The following SYT1 variants were observed in gnomAD, a reference collection of about 807,000 sequenced individuals.
SYT1 encodes synaptotagmin 1.
SYT1 carries 8 observed loss-of-function variants against 44.8 expected under a neutral mutation model. That is an observed-to-expected ratio of 0.18 (90% CI 0.10 to 0.32). The LOEUF is 0.32. Among genes scored for constraint, SYT1 ranks in the 10% least tolerant of loss-of-function variants. The pLI is 1.00. For missense variants in SYT1, 286 were observed against 509.3 expected (o/e 0.56, Z 4.22); for synonymous variants, 154 against 188.8 (o/e 0.82, Z 1.51).
At chr12:79,105,343 A>G (rs1199095129) in intron 3 of SYT1, among the ~76,000 whole-genome samples, 1 of 152,194 alleles carries the variant, frequency 6.6e-6, no homozygotes, top group Non-Finnish European at 1.5e-5. Flanking sequence ...TAACCATTCT[A>G]GAGTATTTTG....
intron 1 of SYT1, among the ~76,000 whole-genome samples, chr12:78,954,612 T>G (rs1879121128): frequency 6.6e-6 from 1 of 152,074 alleles, no homozygotes; most frequent in Non-Finnish European, 1.5e-5. Context: ...ATCAGTTTGT[T>G]GTGCATATGA....
chr12:79,340,874 CT>C (rs1284477750), intron 8 of SYT1, among the ~76,000 whole-genome samples: 3 of 152,164 alleles, frequency 2.0e-5, no homozygotes, highest in African/African-American at 7.2e-5. Context: ...TTGGAATTCA[CT>C]TTTCCCTACT....
At chr12:78,937,595 C>T (rs1007717866) in intron 1 of SYT1, among the ~76,000 whole-genome samples, 2 of 151,596 alleles carry the variant, frequency 1.3e-5, no homozygotes, top group Non-Finnish European at 3.0e-5. Context: ...TAAGCAACTA[C>T]TTAAATAGAA....
intron 1 of SYT1, among the ~76,000 whole-genome samples, chr12:78,947,108 G>A (rs1878699797): frequency 6.6e-6 from 1 of 152,074 alleles, no homozygotes; most frequent in Non-Finnish European, 1.5e-5. Flanking sequence ...CATCACTTAA[G>A]GTTGTTTGGA....
chr12:78,981,698 A>G (rs999520978), intron 2 of SYT1, among the ~76,000 whole-genome samples: 8 of 152,184 alleles, frequency 5.3e-5, no homozygotes, highest in Non-Finnish European at 1.0e-4. Flanking sequence ...CAAGTGAACC[A>G]AATTTACCAA....
At chr12:79,411,367 GCTGGGAAATGTAGT>G (rs968330284) in intron 9 of SYT1, among the ~76,000 whole-genome samples, 5 of 152,158 alleles carry the variant, frequency 3.3e-5, no homozygotes, top group Admixed American at 1.3e-4. Context: ...TGCAAGGGAA[GCTGGGAAATGTAGT>G]CTTTTATTGT....
intron 4 of SYT1, among the ~76,000 whole-genome samples, chr12:79,236,114 G>GT (rs939478287): frequency 2.0e-5 from 3 of 152,020 alleles, no homozygotes; most frequent in Non-Finnish European, 2.9e-5. Context: ...CATCTATATT[G>GT]TAAGAGTCTC....
chr12:79,314,324 G>T (rs1880976486), intron 8 of SYT1, among the ~76,000 whole-genome samples: 1 of 152,064 alleles, frequency 6.6e-6, no homozygotes, highest in African/African-American at 2.4e-5. Flanking sequence ...GTGTTCAGAA[G>T]GCATTGTCAT....
chr12:79,191,746 G>C (rs916150159), intron 3 of SYT1, among the ~76,000 whole-genome samples: 1 of 151,946 alleles, frequency 6.6e-6, no homozygotes, highest in Non-Finnish European at 1.5e-5. Flanking sequence ...ATGCTTCAGG[G>C]ACTTCACACA....
chr12:79,399,995 A>G lies in SYT1; in HGVS notation c.929-44078A>G, dbSNP rs781693959. Reference sequence around the variant, plus strand: ...CCATATTCATATACAGCTCTGCTGGACAAACCAAATTGACTTGAGTTAATG... The same window carrying G: ...CCATATTCATATACAGCTCTGCTGGGCAAACCAAATTGACTTGAGTTAATG... On this transcript the variant is annotated intron_variant, in intron 9 of 10. Coordinates refer to ENST00000261205, the MANE Select transcript of SYT1 (RefSeq NM_005639.3). Among the ~76,000 whole-genome samples, 3 of 152,240 alleles carry G rather than the reference A, an allele frequency of 2.0e-5. No individual in the cohort carries two copies. The South Asian group carries it at 6.2e-4, about 31-fold the overall frequency.
intron 3 of SYT1, among the ~76,000 whole-genome samples, chr12:79,133,662 A>C (rs1310863686): frequency 6.6e-6 from 1 of 152,234 alleles, no homozygotes; most frequent in Non-Finnish European, 1.5e-5. Context: ...ATATGTATAA[A>C]AGACAATATG....
chr12:79,002,367 A>C (rs1168808708), intron 2 of SYT1, among the ~76,000 whole-genome samples: 1 of 152,100 alleles, frequency 6.6e-6, no homozygotes, highest in Non-Finnish European at 1.5e-5. Context: ...ACTTGCTCTT[A>C]GCTGAAATTT....
At chr12:79,240,486 A>G (rs1876439518) in intron 4 of SYT1, among the ~76,000 whole-genome samples, 1 of 152,200 alleles carries the variant, frequency 6.6e-6, no homozygotes, top group Non-Finnish European at 1.5e-5. Context: ...TAAAAAGAAA[A>G]TGAAAGCTAT....
intron 8 of SYT1, among the ~76,000 whole-genome samples, chr12:79,348,038 T>G (rs141465017): frequency 6.6e-6 from 1 of 152,162 alleles, no homozygotes; most frequent in African/African-American, 2.4e-5. Flanking sequence ...TTTGGCATGT[T>G]TTGGAAAGAG....
At chr12:79,272,120 G>A (rs1196716008) in intron 4 of SYT1, among the ~76,000 whole-genome samples, 1 of 152,160 alleles carries the variant, frequency 6.6e-6, no homozygotes, top group African/African-American at 2.4e-5. Context: ...AGAGGAAGAA[G>A]AATAGCATTT....
chr12:79,275,569 G>A (rs1878670463), intron 4 of SYT1, among the ~76,000 whole-genome samples: 1 of 152,110 alleles, frequency 6.6e-6, no homozygotes, highest in Non-Finnish European at 1.5e-5. Flanking sequence ...TGATAGGAAG[G>A]TAGGTCACTT....
chr12:79,026,889 A>G (rs1872574221), intron 2 of SYT1, among the ~76,000 whole-genome samples: 1 of 151,300 alleles, frequency 6.6e-6, no homozygotes, highest in African/African-American at 2.4e-5. Context: ...CTACTACAAA[A>G]AAAGATAAGC....
chr12:78,934,349 T>C (rs1204294464), intron 1 of SYT1, among the ~76,000 whole-genome samples: 1 of 151,754 alleles, frequency 6.6e-6, no homozygotes, highest in Non-Finnish European at 1.5e-5. Flanking sequence ...GGCAAAAACC[T>C]ATCTCTACAA....
rs1320081454 is a variant in SYT1, at chr12:79,289,952, C to T, written c.352-2056C>T. Reference sequence around the variant, plus strand: ...ACCTTTAGTGACCAAGCCCCTTGTTCACAAATTAAACAATTAAAATAAATT... The same window carrying T: ...ACCTTTAGTGACCAAGCCCCTTGTTTACAAATTAAACAATTAAAATAAATT... On this transcript the variant is annotated intron_variant, in intron 5 of 10. Coordinates refer to ENST00000261205, the MANE Select transcript of SYT1 (RefSeq NM_005639.3). 7.5e-5 allele frequency among the ~76,000 whole-genome samples: 11 copies of T among 146,716 alleles called. 1 individual carries two copies. In the Admixed American group the frequency reaches 7.5e-4, roughly 10 times the overall value.
Sources: gnomAD v4.1 joint callset for allele counts (sites outside exome capture counted in the v4.1 genomes callset) on GRCh38, gnomAD v4.1.1 for gene constraint, MANE v1.5 for transcripts, NCBI Gene and HGNC (gene_info 2026-07-23, HGNC 2026-07-21) for gene names.